The following RBBP6 variants were observed in gnomAD, a reference collection of about 807,000 sequenced individuals.
The protein encoded by RBBP6 is E3 ubiquitin-protein ligase RBBP6.
RBBP6 carries 25 observed loss-of-function variants against 167.7 expected under a neutral mutation model. The observed-to-expected ratio is 0.15, with a 90% CI of 0.11 to 0.21. RBBP6 has a LOEUF of 0.21. RBBP6 is among the 10% of genes least tolerant of loss of function. The pLI, the probability that RBBP6 is intolerant of heterozygous loss-of-function variation, is 1.00. For synonymous variants in RBBP6, 789 were observed against 735.8 expected (o/e 1.07, Z -1.17); for missense variants, 1,868 against 2,134.2 (o/e 0.88, Z 2.46).
At chr16:24,558,427 ACTC>A in intron 7 of RBBP6, 2 of 954,184 alleles carry the variant, frequency 2.1e-6, no homozygotes, top group South Asian at 4.9e-5. Context: ...GCAGTGGGAG[ACTC>A]CTCTTTCACA....
At chr16:24,540,873 C>T (rs1898467888) in intron 1 of RBBP6, 81 bp downstream of exon 1, 2 of 1,504,136 alleles carry the variant, frequency 1.3e-6, no homozygotes, top group African/African-American at 2.8e-5. Context: ...AGCTAACCGC[C>T]ATTATGTCTC....
Position 24,567,382 on chromosome 16 carries a change from A to G in RBBP6, c.1829A>G (p.Asn610Ser), listed in dbSNP as rs777762166. 5.0e-6 allele frequency: 8 copies of G among 1,613,926 alleles called. No homozygotes were observed. Among genetic ancestry groups the G allele is most frequent in the East Asian group, 4.5e-5 (2 of 44,882 alleles). ...CCAGGGTTTCCTCCAGCTCCTGCCA[A>G]TTTATCAACACCTTGGGTATCATCA... ...PPPGFPPAPA[N>S]LSTPWVSSGV... is the part of the protein sequence containing the mutation. Residue 610 changes from asparagine (N) to serine (S), a missense_variant, in exon 15 of 18, where the codon AAT becomes AGT. Asn to Ser is a conservative substitution (Grantham distance 46). Transcript: ENST00000319715.
At chr16:24,546,834 A>G (rs1049017021) in intron 2 of RBBP6, among the ~76,000 whole-genome samples, 2 of 152,162 alleles carry the variant, frequency 1.3e-5, no homozygotes, top group African/African-American at 4.8e-5. Context: ...CCTCAAAAAT[A>G]AAATAGGGAC....
intron 1 of RBBP6, 42 bp downstream of exon 1, chr16:24,540,834 A>AG: frequency 3.8e-6 from 6 of 1,589,380 alleles, no homozygotes; most frequent in Non-Finnish European, 5.1e-6. Flanking sequence ...GGCTGGAGAG[A>AG]GATACTAGCT....
chr16:24,563,877 C>T (rs1899132047), intron 13 of RBBP6, among the ~76,000 whole-genome samples: 1 of 151,736 alleles, frequency 6.6e-6, no homozygotes. Flanking sequence ...CAAATCTTTT[C>T]TAAAATACAA....
At chr16:24,551,928 A>T (rs1898806141) in intron 3 of RBBP6, among the ~76,000 whole-genome samples, 1 of 151,776 alleles carries the variant, frequency 6.6e-6, no homozygotes, top group Non-Finnish European at 1.5e-5. Flanking sequence ...GTAGGTCAGA[A>T]CTTATTTTAG....
chr16:24,546,013 T>C (rs1237830035), intron 1 of RBBP6, 150 bp from the exon 2 acceptor site: 4 of 1,256,996 alleles, frequency 3.2e-6, no homozygotes, highest in Admixed American at 7.7e-5. Flanking sequence ...TGGATGTTTG[T>C]TCTGACAATA....
rs753355720 is a variant in RBBP6 at position 24,570,514 on chromosome 16, G to A, written c.3809+15G>A. 2 of 1,544,058 alleles carry A rather than the reference G, an allele frequency of 1.3e-6. No homozygotes were observed. The highest frequency in any genetic ancestry group is 2.2e-5 in the East Asian group (1 of 44,450). On this transcript the variant is annotated intron_variant, in intron 17 of 17. Coordinates refer to ENST00000319715, the MANE Select transcript of RBBP6 (RefSeq NM_006910.5). The stretch of plus-strand genomic sequence containing the variant: ...GATTACACCAGGTAGCTGAGTGTAG[G>A]GGGTGGGTGTGGAACTTTGTTGGGA...
chr16:24,540,891 G>T, intron 1 of RBBP6, 99 bp downstream of exon 1: 1 of 1,422,780 alleles, frequency 7.0e-7, no homozygotes, highest in Non-Finnish European at 9.4e-7. Context: ...CTCTAGTGGG[G>T]ACTGTTCGTT....
intron 8 of RBBP6, among the ~76,000 whole-genome samples, chr16:24,560,113 T>G (rs894564828): frequency 4.8e-5 from 7 of 146,910 alleles, no homozygotes; most frequent in South Asian, 2.2e-4. Flanking sequence ...CAGTTTTTGT[T>G]TTTTTTTTTT....
chr16:24,552,440 C>T (rs899957865), intron 3 of RBBP6, among the ~76,000 whole-genome samples: 8 of 151,694 alleles, frequency 5.3e-5, no homozygotes, highest in African/African-American at 1.2e-4. Context: ...TCTGACCTTA[C>T]GACATGTTAA....
rs759786209 is a variant in RBBP6 at position 24,570,492 on chromosome 16, T to G, written c.3802T>G (p.Tyr1268Asp). 6.3e-7 allele frequency: 1 copy of G among 1,576,180 alleles called. No individual in the cohort carries two copies. The highest frequency in any genetic ancestry group is 1.4e-5 in the African/African-American group (1 of 72,714). ...TEGSSSTLVD[Y>D]TSTSSTGGSP... is the part of the protein sequence containing the mutation. ...AGGATCCAGCTCAACTCTGGTGGATTACACCAGGTAGCTGAGTGTAGGGGG... is the reference window on the plus strand; with the variant it reads ...AGGATCCAGCTCAACTCTGGTGGATGACACCAGGTAGCTGAGTGTAGGGGG... Residue 1268 changes from tyrosine to aspartate, a missense_variant, in exon 17 of 18, where the codon TAC becomes GAC. Physicochemically the swap from Tyr to Asp is radical, Grantham distance 160 (BLOSUM62 -3). Around this residue, in one of 7 missense-constraint regions of RBBP6, gnomAD observed 673 missense variants for 691.5 expected, o/e 0.97. Coordinates refer to ENST00000319715, the MANE Select transcript of RBBP6 (RefSeq NM_006910.5).
In RBBP6 at chr16:24,569,847, C is replaced by G; in HGVS notation, c.3157C>G (p.Pro1053Ala). The change falls in exon 17 of 18, where the codon CCT (proline) becomes GCT (alanine). Residue 1053 changes from proline to alanine, a missense_variant. Physicochemically the swap from Pro to Ala is conservative, Grantham distance 27. Around this residue, in one of 7 missense-constraint regions of RBBP6, gnomAD observed 673 missense variants for 691.5 expected, o/e 0.97. Transcript: ENST00000319715. ...EKVDGERERS[P>A]RSEPPIKKAK... ...AGTAGATGGAGAACGTGAGAGATCT[C>G]CTCGATCTGAACCTCCAATTAAAAA... 1 of 1,611,250 alleles carries G rather than the reference C, an allele frequency of 6.2e-7. No individual in the cohort carries two copies. The highest frequency in any genetic ancestry group is 8.5e-7 in the Non-Finnish European group (1 of 1,179,394).
rs755572253 is a variant in RBBP6, at chr16:24,570,238, A to G, written c.3548A>G (p.Lys1183Arg). Residue 1183 changes from lysine (K) to arginine (R), a missense_variant, in exon 17 of 18, where the codon AAA becomes AGA. This residue lies in a region of RBBP6 where 673 missense variants were observed against 691.5 expected (regional missense o/e 0.97). Coordinates refer to ENST00000319715, the MANE Select transcript of RBBP6 (RefSeq NM_006910.5). ...TEIVKPSPKR[K>R]MEPDTEKMDR... The stretch of plus-strand genomic sequence containing the variant: ...ATAGTGAAACCATCACCAAAGCGCA[A>G]AATGGAACCTGATACTGAAAAAATG... 6.2e-7 allele frequency: 1 copy of G among 1,613,064 alleles called. No homozygotes were observed. The highest frequency in any genetic ancestry group is 1.3e-5 in the African/African-American group (1 of 74,870).
At chr16:24,567,554 A>G (rs770531428) in intron 15 of RBBP6, 49 bp downstream of exon 15, 38 of 1,518,454 alleles carry the variant, frequency 2.5e-5, no homozygotes, top group East Asian at 6.9e-5. Context: ...ATTTTCTGAT[A>G]ATAACATTAA....
intron 10 of RBBP6, 38 bp from the exon 11 acceptor site, chr16:24,563,161 G>A: frequency 6.7e-7 from 1 of 1,503,038 alleles, no homozygotes; most frequent in South Asian, 1.2e-5. Context: ...GTCCATTTCT[G>A]ATAATTTTTA....
intron 8 of RBBP6, among the ~76,000 whole-genome samples, chr16:24,560,800 A>G (rs977763837): frequency 2.0e-5 from 3 of 152,248 alleles, no homozygotes; most frequent in African/African-American, 7.2e-5. Flanking sequence ...TGGAGGATGT[A>G]CATAGTATTA....
At position 24,569,013 on chromosome 16, in the gene RBBP6, G is replaced by A. The variant is rs1300145785; in HGVS notation, c.2323G>A (p.Ala775Thr). ...TCATTCACGATCAAGATCTCCTCAA[G>A]CGTTTAGGGGACAGTCTCCTAATAA... ...RYHSRSRSPQ[A>T]FRGQSPNKRN... The change falls in exon 17 of 18, where the codon GCG becomes ACG. Residue 775 changes from alanine (A) to threonine (T), a missense_variant. This residue lies in a region of RBBP6 where 673 missense variants were observed against 691.5 expected (regional missense o/e 0.97). Transcript: ENST00000319715. The A allele has an allele frequency of 1.2e-6, 2 of 1,614,022 alleles. No homozygotes were observed. Among genetic ancestry groups the A allele is most frequent in the East Asian group, 4.5e-5 (2 of 44,894 alleles).
chr16:24,555,744 G>A, intron 5 of RBBP6, 41 bp downstream of exon 5: 1 of 1,598,576 alleles, frequency 6.3e-7, no homozygotes, highest in Non-Finnish European at 8.6e-7. Flanking sequence ...AACTTTTGGG[G>A]TGGGTTTTCC....
Sources: gnomAD v4.1 joint callset for allele counts (sites outside exome capture counted in the v4.1 genomes callset) on GRCh38, gnomAD v4.1.1 for gene constraint, gnomAD v4.1.1 regional missense constraint, MANE v1.5 for transcripts, NCBI Gene and HGNC (gene_info 2026-07-23, HGNC 2026-07-21) for gene names.